Variants in ZFTA observed in about 807,000 individuals in gnomAD.
ZFTA encodes zinc finger translocation-associated protein.
A neutral mutation model predicts 41.8 loss-of-function variants in ZFTA; 35 were observed. The ratio of observed to expected loss-of-function variants is 0.84; its 90% confidence interval spans 0.64 to 1.11. The LOEUF is 1.11. ZFTA is among the 50% of genes most tolerant of loss of function. The pLI, the probability that ZFTA is intolerant of heterozygous loss-of-function variation, is 0.00. For synonymous variants in ZFTA, 514 were observed against 436.4 expected, an observed-to-expected ratio of 1.18 and a Z score of -2.22; for missense variants, 964 against 989.8, an observed-to-expected ratio of 0.97 and a Z score of 0.35.
Position 63,767,761 on chromosome 11 carries a change from G to C in ZFTA, c.139+723C>G, listed in dbSNP as rs143397717. 2.3e-4 allele frequency among the ~76,000 whole-genome samples: 35 copies of C among 152,254 alleles called. No individual in the cohort carries two copies. In the East Asian group the frequency reaches 6.8e-3, roughly 29 times the overall value. ...GAAATGAGTCAACAGTCTCCTTTGAGAGCGAACGAGGAGGACTGGTTGGTT... is the reference window on the plus strand; with the variant it reads ...GAAATGAGTCAACAGTCTCCTTTGACAGCGAACGAGGAGGACTGGTTGGTT... On this transcript the variant is annotated intron_variant, in intron 1 of 4. Coordinates refer to ENST00000433688, the MANE Select transcript of ZFTA (RefSeq NM_001144936.2).
rs1424577333 is a variant in ZFTA at position 63,760,271 on chromosome 11, A to G, written c.*3147T>C. 18 of 152,222 alleles carry G rather than the reference A, an allele frequency of 1.2e-4. No homozygotes were observed. Among genetic ancestry groups the G allele is most frequent in the Admixed American group, 1.1e-3 (17 of 15,286 alleles). 9.4% of individuals were successfully genotyped at this position (152,222 alleles called of 1,614,324 possible). A position where few individuals can be genotyped will look rare whatever the true frequency, so the allele number is the denominator to read the frequency against. On this transcript the variant is annotated 3_prime_UTR_variant, in exon 5 of 5. Coordinates refer to ENST00000433688, the MANE Select transcript of ZFTA (RefSeq NM_001144936.2). Reference sequence around the variant, plus strand: ...GAGTCAATCACCGTGGAAAATGGGAACTAAATACATCATCAGGTCTTCATT... The same window carrying G: ...GAGTCAATCACCGTGGAAAATGGGAGCTAAATACATCATCAGGTCTTCATT...
rs1208261501 is a variant in ZFTA, at chr11:63,763,434, G to C, written c.2021C>G (p.Ala674Gly). The C allele has an allele frequency of 1.3e-5, 18 of 1,377,048 alleles. No individual in the cohort carries two copies. Among genetic ancestry groups the C allele is most frequent in the Non-Finnish European group, 1.7e-5 (18 of 1,066,060 alleles). The allele number at this position is 1,377,048 out of a possible 1,614,324, so 85.3% of individuals were successfully genotyped here. Residue 674 changes from alanine (A) to glycine (G), a missense_variant, in exon 5 of 5, where the codon GCT becomes GGT. Ala to Gly is a moderately conservative substitution (Grantham distance 60, BLOSUM62 0). This residue lies in a region of ZFTA where 65 missense variants were observed against 58.9 expected (regional missense o/e 1.10). Transcript: ENST00000433688. ...RDGGADLKSG[A>G]VCRA ...GCTAGGCCGCTACGCCCGACACACA[G>C]CGCCAGACTTGAGGTCCGCGCCGCC...
At position 63,764,231 on chromosome 11, in the gene ZFTA, G is replaced by A. The variant is rs1355889103; in HGVS notation, c.1392C>T (p.Gly464=). The A allele has an allele frequency of 6.9e-7, 1 of 1,441,806 alleles. No individual in the cohort carries two copies. Among genetic ancestry groups the A allele is most frequent in the Admixed American group, 2.8e-5 (1 of 35,198 alleles). 89.3% of individuals were successfully genotyped at this position (1,441,806 alleles called of 1,614,324 possible). A position where few individuals can be genotyped will look rare whatever the true frequency, so the allele number is the denominator to read the frequency against. Residue 464 remains glycine (G), a synonymous_variant, in exon 4 of 5, where the codon GGC becomes GGT. Transcript: ENST00000433688. Reference sequence around the variant, plus strand: ...GGACAGGCCCGCCGAGGCGCGTGGAGCCCGGGTGGCGCCGGCGGATGTGGC... The same window carrying A: ...GGACAGGCCCGCCGAGGCGCGTGGAACCCGGGTGGCGCCGGCGGATGTGGC... ...IERHIRRRHP[G]STRLGGPVQA...
rs1370399840 is a variant in ZFTA at position 63,765,087 on chromosome 11, G to A, written c.805C>T (p.Arg269Trp). ...RLKESLQNWF[R>W]AECLMDYDPR... ...TCATAGTCCATGAGACACTCGGCCCGGAACCAGTTCTGCAGGGACTCCTTC... is the reference window on the plus strand; with the variant it reads ...TCATAGTCCATGAGACACTCGGCCCAGAACCAGTTCTGCAGGGACTCCTTC... Residue 269 changes from arginine to tryptophan, a missense_variant, in exon 3 of 5, where the codon CGG becomes TGG. Around this residue, in one of 5 missense-constraint regions of ZFTA, gnomAD observed 584 missense variants for 523.1 expected, o/e 1.12. Transcript: ENST00000433688. The surrounding 1 kb of genome is among the most constrained non-coding windows in gnomAD (Gnocchi z 4.0). The A allele has an allele frequency of 6.5e-7, 1 of 1,548,846 alleles. No homozygotes were observed. Among genetic ancestry groups the A allele is most frequent in the South Asian group, 1.2e-5 (1 of 84,022 alleles).
Position 63,764,023 on chromosome 11 carries a change from G to T in ZFTA, c.1585+15C>A, listed in dbSNP as rs2014699774. On this transcript the variant is annotated intron_variant, in intron 4 of 4. Coordinates refer to ENST00000433688, the MANE Select transcript of ZFTA (RefSeq NM_001144936.2). ...CCGGCTCTCCCTCTCCGCCTGCTCT[G>T]GCCCCACCGCTCACCCCACTCCTCC... The T allele has an allele frequency of 2.3e-6, 3 of 1,315,596 alleles. No homozygotes were observed. The highest frequency in any genetic ancestry group is 2.9e-6 in the Non-Finnish European group (3 of 1,021,138). 81.5% of individuals were successfully genotyped at this position (1,315,596 alleles called of 1,614,324 possible). A position where few individuals can be genotyped will look rare whatever the true frequency, so the allele number is the denominator to read the frequency against.
At chr11:63,763,956 C>T (rs951320782) in intron 4 of ZFTA, 82 bp downstream of exon 4, 14 of 1,343,922 alleles carry the variant, frequency 1.0e-5, no homozygotes, top group African/African-American at 3.1e-5. Flanking sequence ...CCATCTTTGC[C>T]CTTCTATCCC....
rs912834765 is a variant in ZFTA, at chr11:63,766,411, C to T, written c.140-107G>A. ...AAAGGGAGCTGGGGGAGGGGGTGTT[C>T]CGGGGCAGGAAAGGGACGGCAACAG... On this transcript the variant is annotated intron_variant, in intron 1 of 4. Coordinates refer to ENST00000433688, the MANE Select transcript of ZFTA (RefSeq NM_001144936.2). 1.9e-5 allele frequency: 25 copies of T among 1,289,972 alleles called. No homozygotes were observed. The African/African-American group carries it at 3.7e-4, about 19-fold the overall frequency. 79.9% of individuals were successfully genotyped at this position (1,289,972 alleles called of 1,614,324 possible). A position where few individuals can be genotyped will look rare whatever the true frequency, so the allele number is the denominator to read the frequency against.
At chr11:63,764,708 C>T (rs570282619) in intron 3 of ZFTA, 110 bp from the exon 4 acceptor site, 13 of 1,334,530 alleles carry the variant, frequency 9.7e-6, no homozygotes, top group Middle Eastern at 2.6e-4. Context: ...CTAGAGGCCC[C>T]AGTCTGTCTC....
rs1185660292 is a variant in ZFTA, at chr11:63,760,142, G to A, written c.*3276C>T. On this transcript the variant is annotated 3_prime_UTR_variant, in exon 5 of 5. Transcript: ENST00000433688. ...ACCTTAGAAGAATGAGGAGGGGTCAGGGGGTCTTTTACCCCAGTTCAGCCT... is the reference window on the plus strand; with the variant it reads ...ACCTTAGAAGAATGAGGAGGGGTCAAGGGGTCTTTTACCCCAGTTCAGCCT... 6.6e-6 allele frequency: 1 copy of A among 152,186 alleles called. No homozygotes were observed. The highest frequency in any genetic ancestry group is 1.9e-4 in the East Asian group (1 of 5,200). The allele number at this position is 152,186 out of a possible 1,614,324, so 9.4% of individuals were successfully genotyped here.
chr11:63,766,443 A>C, intron 1 of ZFTA, 139 bp from the exon 2 acceptor site: 1 of 1,179,078 alleles, frequency 8.5e-7, no homozygotes, highest in Non-Finnish European at 1.1e-6. Flanking sequence ...ACAGCAATAA[A>C]AGGGATGGTA....
In ZFTA at chr11:63,764,392, C is replaced by G. The variant is rs1220939239; in HGVS notation, c.1231G>C (p.Gly411Arg). ...RAGVPGRSPR[G>R]RAHRRHPQER... ...TGGGGGTGGCGGCGGTGGGCGCGGC[C>G]CCGCGGCGACCGGCCCGGGACCCCC... Residue 411 changes from glycine (G) to arginine (R), a missense_variant, in exon 4 of 5, where the codon GGC (glycine) becomes CGC (arginine). Physicochemically the swap from Gly to Arg is moderately radical, Grantham distance 125. Around this residue, in one of 5 missense-constraint regions of ZFTA, gnomAD observed 584 missense variants for 523.1 expected, o/e 1.12. Coordinates refer to ENST00000433688, the MANE Select transcript of ZFTA (RefSeq NM_001144936.2). 7.7e-7 allele frequency: 1 copy of G among 1,295,832 alleles called. No individual in the cohort carries two copies. The allele number at this position is 1,295,832 out of a possible 1,614,324, so 80.3% of individuals were successfully genotyped here. A position where few individuals can be genotyped will look rare whatever the true frequency, so the allele number is the denominator to read the frequency against.
At chr11:63,763,905 G>T in intron 4 of ZFTA, 36 bp from the exon 5 acceptor site, 1 of 1,406,292 alleles carries the variant, frequency 7.1e-7, no homozygotes, top group Non-Finnish European at 9.3e-7. Context: ...GGCGACGGCG[G>T]GGGGCAGCGG....
Position 63,764,558 on chromosome 11 carries a change from C to T in ZFTA, c.1065G>A (p.Arg355=). The T allele has an allele frequency of 8.0e-7, 1 of 1,254,610 alleles. No homozygotes were observed. The highest frequency in any genetic ancestry group is 3.8e-5 in the South Asian group (1 of 26,048). The allele number at this position is 1,254,610 out of a possible 1,614,324, so 77.7% of individuals were successfully genotyped here. The change falls in exon 4 of 5, where the codon CGG becomes CGA. Residue 355 remains arginine (R), a synonymous_variant. Transcript: ENST00000433688. ...GGGCTCCAGCAGCGGAGGCCGAGTC[C>T]CGGCTCTTTCCGGTCAGGTCCTGGG... ...LAPQDLTGKS[R]DSASAAGAPS...
In ZFTA at chr11:63,766,252, G is replaced by A. The variant is rs780066395; in HGVS notation, c.192C>T (p.Pro64=). ...GGALGSWGSA[P]LPSSRARGPA... The stretch of plus-strand genomic sequence containing the variant: ...GTCCCCTGGCCCTGGAGGAGGGCAG[G>A]GGGGCACTCCCCCAGGACCCCAAGG... Residue 64 remains proline (P), a synonymous_variant, in exon 2 of 5, where the codon CCC becomes CCT. Transcript: ENST00000433688. 15 of 1,521,848 alleles carry A rather than the reference G, an allele frequency of 9.9e-6. No individual in the cohort carries two copies. Among genetic ancestry groups the A allele is most frequent in the Non-Finnish European group, 1.3e-5 (15 of 1,136,596 alleles). The allele number at this position is 1,521,848 out of a possible 1,614,324, so 94.3% of individuals were successfully genotyped here. A position where few individuals can be genotyped will look rare whatever the true frequency, so the allele number is the denominator to read the frequency against.
chr11:63,765,042 C>T lies in ZFTA; in HGVS notation c.850G>A (p.Val284Met). 1 of 1,548,892 alleles carries T rather than the reference C, an allele frequency of 6.5e-7. No individual in the cohort carries two copies. Among genetic ancestry groups the T allele is most frequent in the Non-Finnish European group, 8.7e-7 (1 of 1,146,434 alleles). Residue 284 changes from valine to methionine, a missense_variant, in exon 3 of 5, where the codon GTG (valine) becomes ATG (methionine). Physicochemically the swap from Val to Met is conservative, Grantham distance 21. Coordinates refer to ENST00000433688, the MANE Select transcript of ZFTA (RefSeq NM_001144936.2). The surrounding 1 kb of genome is among the most constrained non-coding windows in gnomAD (Gnocchi z 4.0). ...MDYDPRGNRL[V>M]CMACGRALPS... ...AGTGCCCGGCCACAGGCCATGCACA[C>T]CAGCCGGTTCCCCCGCGGGTCATAG...
chr11:63,763,466 C>T lies in ZFTA; in HGVS notation c.1989G>A (p.Pro663=), dbSNP rs1426126149. 2.0e-6 allele frequency: 3 copies of T among 1,471,890 alleles called. No homozygotes were observed. Among genetic ancestry groups the T allele is most frequent in the South Asian group, 1.3e-5 (1 of 75,722 alleles). 91.2% of individuals were successfully genotyped at this position (1,471,890 alleles called of 1,614,324 possible). A position where few individuals can be genotyped will look rare whatever the true frequency, so the allele number is the denominator to read the frequency against. The change falls in exon 5 of 5, where the codon CCG becomes CCA. Residue 663 remains proline, a synonymous_variant. Transcript: ENST00000433688. ...ACTTGAGGTCCGCGCCGCCGTCACG[C>T]GGCGCCGGGGCGGGCGGCCCGAAGC... ...HEGFGPPAPA[P]RDGGADLKSG...
intron 4 of ZFTA, 30 bp from the exon 5 acceptor site, chr11:63,763,899 A>T: frequency 1.4e-6 from 2 of 1,408,826 alleles, no homozygotes; most frequent in Non-Finnish European, 1.8e-6. Flanking sequence ...CGCATTGGCG[A>T]CGGCGGGGGG....
Position 63,765,674 on chromosome 11 carries a change from C to T in ZFTA, c.637+133G>A, listed in dbSNP as rs1355824747. The T allele has an allele frequency of 4.8e-6, 6 of 1,256,398 alleles. No individual in the cohort carries two copies. The highest frequency in any genetic ancestry group is 4.6e-5 in the African/African-American group (3 of 65,828). The allele number at this position is 1,256,398 out of a possible 1,614,324, so 77.8% of individuals were successfully genotyped here. On this transcript the variant is annotated intron_variant, in intron 2 of 4. Coordinates refer to ENST00000433688, the MANE Select transcript of ZFTA (RefSeq NM_001144936.2). The surrounding 1 kb of genome is among the most constrained non-coding windows in gnomAD (Gnocchi z 4.0). ...TTCCCCCACCTTTGTATAATAAGGG[C>T]AATAAACAGACCCCACCCAGAGGAG...
chr11:63,765,197 G>C lies in ZFTA; in HGVS notation c.695C>G (p.Pro232Arg), dbSNP rs1193293613. ...TGAGAGGCGCAGACGCCGAGCCCGG[G>C]GTGCCACTGGGCCCCCTCGCCGCTG... Reference protein sequence around the residue: ...RRQRRGGPVAPRARRLRLSAS... With the variant: ...RRQRRGGPVARRARRLRLSAS... Residue 232 changes from proline to arginine, a missense_variant, in exon 3 of 5, where the codon CCC (proline) becomes CGC (arginine). Pro to Arg is a moderately radical substitution (Grantham distance 103). Coordinates refer to ENST00000433688, the MANE Select transcript of ZFTA (RefSeq NM_001144936.2). The surrounding 1 kb of genome is among the most constrained non-coding windows in gnomAD (Gnocchi z 4.0). The C allele has an allele frequency of 1.3e-6, 2 of 1,503,252 alleles. No homozygotes were observed. The highest frequency in any genetic ancestry group is 2.4e-5 in the Admixed American group (1 of 41,194). 93.1% of individuals were successfully genotyped at this position (1,503,252 alleles called of 1,614,324 possible).
Sources: allele counts gnomAD v4.1 joint callset (sites outside exome capture counted in the v4.1 genomes callset), GRCh38; gene constraint gnomAD v4.1.1; regional missense constraint gnomAD v4.1.1; non-coding constraint Gnocchi (gnomAD v3.1); transcripts MANE v1.5; gene names NCBI Gene and HGNC (gene_info 2026-07-23, HGNC 2026-07-21).